The following CFAP410 variants were observed in gnomAD, a reference collection of about 807,000 sequenced individuals.
The protein encoded by CFAP410 is cilia- and flagella-associated protein 410.
Under a neutral mutation model 25.7 loss-of-function variants are expected in CFAP410, and 27 were observed. The observed-to-expected ratio is 1.05, with a 90% CI of 0.77 to 1.45. The LOEUF is 1.45. Among genes scored for constraint, CFAP410 ranks in the 40% most tolerant of loss-of-function variants. CFAP410 has a pLI of 0.00. For missense variants in CFAP410, 428 were observed against 354.1 expected, an observed-to-expected ratio of 1.21 and a Z score of -1.67; for synonymous variants, 178 against 158.4, an observed-to-expected ratio of 1.12 and a Z score of -0.93.
In CFAP410 at chr21:44,331,947, T is replaced by G. The variant is rs1489058798; in HGVS notation, c.441A>C (p.Arg147Ser). Reference protein sequence around the residue: ...EGEEITAAPEREGTGHGGPKL... With the variant: ...EGEEITAAPESEGTGHGGPKL... ...TGGGGCCGCCGTGGCCTGTGCCCTC[T>G]CTCTCTGGGGCCGCAGTGATCTCCT... is the stretch of plus-strand genomic sequence containing the variant. Residue 147 changes from arginine (R) to serine (S), a missense_variant, in exon 5 of 7, where the codon AGA (arginine) becomes AGC (serine). By Grantham distance (110) the Arg-to-Ser change is moderately radical. Coordinates refer to ENST00000339818, the MANE Select transcript of CFAP410 (RefSeq NM_004928.3). 6.2e-7 allele frequency: 1 copy of G among 1,613,368 alleles called. No individual in the cohort carries two copies. Among genetic ancestry groups the G allele is most frequent in the Admixed American group, 1.7e-5 (1 of 59,942 alleles).
rs938437742 is a variant in CFAP410, at chr21:44,333,254, C to T, written c.152G>A (p.Ser51Asn). ...SLEVITLSVN[S>N]ISTLEPVSRC... ...GCTCACAGGCTCCAGGGTGGAGATG[C>T]TGTTGACACTGCACGGAGACCAGCA... Residue 51 changes from serine (S) to asparagine (N), a missense_variant, in exon 4 of 7, where the codon AGC (serine) becomes AAC (asparagine). Physicochemically the swap from Ser to Asn is conservative, Grantham distance 46. Coordinates refer to ENST00000339818, the MANE Select transcript of CFAP410 (RefSeq NM_004928.3). The T allele has an allele frequency of 1.2e-6, 2 of 1,610,576 alleles. No homozygotes were observed. The highest frequency in any genetic ancestry group is 4.5e-5 in the East Asian group (2 of 44,768).
chr21:44,330,464 G>A lies in CFAP410; in HGVS notation c.643-138C>T, dbSNP rs768524759. 269 of 1,530,200 alleles carry A rather than the reference G, an allele frequency of 1.8e-4. 1 individual carries two copies. The highest frequency in any genetic ancestry group is 1.7e-4 in the Non-Finnish European group (197 of 1,132,770). 94.8% of individuals were successfully genotyped at this position (1,530,200 alleles called of 1,614,324 possible). ...GTGTGGGCCGTCCAAGTGACTGACC[G>A]GCACACTCGGAGAATCTGAGCAGAG... is the stretch of plus-strand genomic sequence containing the variant. On this transcript the variant is annotated intron_variant, in intron 6 of 6. Transcript: ENST00000339818.
intron 3 of CFAP410, chr21:44,334,100 G>T: frequency 2.2e-6 from 1 of 456,242 alleles, no homozygotes; most frequent in South Asian, 1.5e-5. Flanking sequence ...TTCCAGGATG[G>T]GGTCTGCCTC....
intron 6 of CFAP410, chr21:44,330,528 C>T (rs1482400135): frequency 1.5e-5 from 23 of 1,548,150 alleles, no homozygotes; most frequent in African/African-American, 2.7e-5. Context: ...ACCTCTTCCA[C>T]GTGACTCCTG....
At chr21:44,330,786 C>CAG (rs2047632049) in intron 6 of CFAP410, 37 bp downstream of exon 6, 3 of 1,558,334 alleles carry the variant, frequency 1.9e-6, no homozygotes, top group Non-Finnish European at 2.6e-6. Flanking sequence ...GTGCAGTGGG[C>CAG]AGAGGCAGCC....
chr21:44,331,198 T>G (rs953432569), intron 5 of CFAP410: 10 of 525,842 alleles, frequency 1.9e-5, no homozygotes. Context: ...AGGGGCAGGG[T>G]GGGGGGCACC....
Position 44,329,486 on chromosome 21 carries a change from C to T in CFAP410, c.*712G>A, listed in dbSNP as rs1462852096. The T allele has an allele frequency of 6.6e-6, 1 of 152,238 alleles. No homozygotes were observed. Among genetic ancestry groups the T allele is most frequent in the Non-Finnish European group, 1.5e-5 (1 of 68,084 alleles). The allele number at this position is 152,238 out of a possible 1,614,324, so 9.4% of individuals were successfully genotyped here. A position where few individuals can be genotyped will look rare whatever the true frequency, so the allele number is the denominator to read the frequency against. On this transcript the variant is annotated 3_prime_UTR_variant, in exon 7 of 7. Transcript: ENST00000339818. Reference sequence around the variant, plus strand: ...GACTCTTCCCAGAGGAAAGAAAACCCCTCTCAGATGCTCCAAGGACTCCCC... The same window carrying T: ...GACTCTTCCCAGAGGAAAGAAAACCTCTCTCAGATGCTCCAAGGACTCCCC...
In CFAP410 at chr21:44,331,921, T is replaced by C. The variant is rs1568986303; in HGVS notation, c.467A>G (p.Lys156Arg). 3 of 1,613,428 alleles carry C rather than the reference T, an allele frequency of 1.9e-6. No individual in the cohort carries two copies. The highest frequency in any genetic ancestry group is 2.5e-6 in the Non-Finnish European group (3 of 1,179,840). ...GAGGGAGCTCAGTGTGCAGCATAGC[T>C]TGGGGCCGCCGTGGCCTGTGCCCTC... The part of the protein sequence containing the change: ...EREGTGHGGP[K>R]LCCTLSSLSS... The change falls in exon 5 of 7, where the codon AAG becomes AGG. Residue 156 changes from lysine to arginine, a missense_variant. By Grantham distance (26) the Lys-to-Arg change is conservative. Transcript: ENST00000339818.
chr21:44,334,486 A>C (rs1488026973), intron 3 of CFAP410: 57 of 143,674 alleles, frequency 4.0e-4, no homozygotes, highest in Non-Finnish European at 5.7e-4. Flanking sequence ...AGGCACGCGC[A>C]CCCCCCCTCA....
rs902909024 is a variant in CFAP410 at position 44,333,018 on chromosome 21, G to A, written c.373+15C>T. On this transcript the variant is annotated intron_variant, in intron 4 of 6. Coordinates refer to ENST00000339818, the MANE Select transcript of CFAP410 (RefSeq NM_004928.3). ...TTGTTTTGGGAGGGCCGGTGACTCC[G>A]CTGCGGCCACCTACCCTGGTTGTCC... The A allele has an allele frequency of 1.6e-5, 25 of 1,543,574 alleles. No individual in the cohort carries two copies. Among genetic ancestry groups the A allele is most frequent in the East Asian group, 9.4e-5 (4 of 42,752 alleles).
At chr21:44,332,216 AAC>A in intron 4 of CFAP410, 1 of 521,330 alleles carries the variant, frequency 1.9e-6, no homozygotes, top group South Asian at 2.8e-5. Context: ...GCTGACACAC[AAC>A]AGATGGTGGA....
intron 4 of CFAP410, 130 bp downstream of exon 4, chr21:44,332,903 A>C (rs1281100956): frequency 7.6e-6 from 5 of 658,816 alleles, no homozygotes; most frequent in Non-Finnish European, 1.3e-5. Context: ...TCTGGAGGAG[A>C]CTTCACAGGA....
intron 1 of CFAP410, 40 bp downstream of exon 1, chr21:44,339,077 TC>T (rs779365569): frequency 5.1e-6 from 6 of 1,186,586 alleles, no homozygotes; most frequent in South Asian, 3.7e-5. Context: ...CCCCGGCTCC[TC>T]CCCCCACCCC....
intron 3 of CFAP410, 69 bp from the exon 4 acceptor site, chr21:44,333,331 C>A: frequency 7.8e-7 from 1 of 1,281,984 alleles, no homozygotes; most frequent in Admixed American, 2.0e-5. Flanking sequence ...TCAATCCCCA[C>A]CCCCAGTAAA....
chr21:44,330,866 G>T lies in CFAP410; in HGVS notation c.599C>A (p.Pro200His). The T allele has an allele frequency of 6.2e-7, 1 of 1,606,244 alleles. No homozygotes were observed. The highest frequency in any genetic ancestry group is 8.5e-7 in the Non-Finnish European group (1 of 1,175,628). The change falls in exon 6 of 7, where the codon CCT becomes CAT. Residue 200 changes from proline to histidine, a missense_variant. Pro to His is a moderately conservative substitution (Grantham distance 77). Coordinates refer to ENST00000339818, the MANE Select transcript of CFAP410 (RefSeq NM_004928.3). ...CGAGGCATCCCTGGCTGAGAGGGAA[G>T]GAAACTGGCCCCGGGAAGGCGGCTT... The part of the protein sequence containing the change: ...GLKPPSRGQF[P>H]SLSARDASSS...
At position 44,339,186 on chromosome 21, in the gene CFAP410, C is replaced by A. The variant is rs367740530; in HGVS notation, c.9G>T (p.Leu3=). MK[L]TRKMVLTRAK... ...CCCGGGTCAGAACCATCTTCCGCGT[C>A]AGCTTCATGGCGGCCGCCCAGGCCC... The change falls in exon 1 of 7, where the codon CTG becomes CTT. Residue 3 remains leucine, a synonymous_variant. Coordinates refer to ENST00000339818, the MANE Select transcript of CFAP410 (RefSeq NM_004928.3). 2 of 1,466,752 alleles carry A rather than the reference C, an allele frequency of 1.4e-6. No homozygotes were observed. Among genetic ancestry groups the A allele is most frequent in the Admixed American group, 2.5e-5 (1 of 39,440 alleles). 90.9% of individuals were successfully genotyped at this position (1,466,752 alleles called of 1,614,324 possible).
chr21:44,337,259 G>C (rs1019296000), intron 2 of CFAP410, among the ~76,000 whole-genome samples: 1 of 152,142 alleles, frequency 6.6e-6, no homozygotes, highest in Non-Finnish European at 1.5e-5. Context: ...CGGCAAGGGG[G>C]TACAAGGCTA....
chr21:44,330,646 C>T lies in CFAP410; in HGVS notation c.642+177G>A, dbSNP rs894280495. The T allele has an allele frequency of 1.1e-5, 17 of 1,548,542 alleles. No homozygotes were observed. The Admixed American group carries it at 2.0e-4, about 18-fold the overall frequency. ...GCGGGGCACGTGTTACACGTGTGTG[C>T]GCATTCACAGACCCGCACACGCAGC... On this transcript the variant is annotated intron_variant, in intron 6 of 6. Coordinates refer to ENST00000339818, the MANE Select transcript of CFAP410 (RefSeq NM_004928.3).
intron 5 of CFAP410, 104 bp downstream of exon 5, chr21:44,331,739 C>T: frequency 9.1e-7 from 1 of 1,100,318 alleles, no homozygotes. Flanking sequence ...CCCTGTCCCT[C>T]ACTTCCCAGA....
Sources: gnomAD v4.1 joint callset for allele counts (sites outside exome capture counted in the v4.1 genomes callset) on GRCh38, gnomAD v4.1.1 for gene constraint, MANE v1.5 for transcripts, NCBI Gene and HGNC (gene_info 2026-07-23, HGNC 2026-07-21) for gene names.